The following CACNA2D1 variants were observed in gnomAD, a reference collection of about 807,000 sequenced individuals.
CACNA2D1 encodes calcium voltage-gated channel auxiliary subunit alpha2delta 1.
In CACNA2D1, 53 loss-of-function variants were observed where a neutral mutation model predicts 171.5. The observed-to-expected ratio is 0.31, with a 90% CI of 0.25 to 0.39. CACNA2D1 has a LOEUF of 0.39. Ranked by LOEUF, CACNA2D1 falls within the 10% of genes least tolerant of loss-of-function variation. CACNA2D1 has a pLI of 1.00. For missense variants in CACNA2D1, 903 were observed against 1,299.8 expected (o/e 0.69, Z 4.69); for synonymous variants, 442 against 443.1 (o/e 1.00, Z 0.03).
chr7:82,249,138 T>A lies in CACNA2D1; in HGVS notation c.295-78529A>T, dbSNP rs548608438. ...CTCAAAAAAAAAAAAAAATGCCCTC[T>A]TAAAATTCAACATAGATGTTTTCCC... On this transcript the variant is annotated intron_variant, in intron 3 of 38. Coordinates refer to ENST00000356860, the MANE Select transcript of CACNA2D1 (RefSeq NM_000722.4). Among the ~76,000 whole-genome samples the A allele has an allele frequency of 8.6e-5, 13 of 151,850 alleles. No individual in the cohort carries two copies. In the South Asian group the frequency reaches 2.7e-3, roughly 32 times the overall value.
intron 11 of CACNA2D1, among the ~76,000 whole-genome samples, chr7:82,035,429 A>G (rs932835212): frequency 6.6e-6 from 1 of 152,128 alleles, no homozygotes; most frequent in East Asian, 1.9e-4. Flanking sequence ...AATTATTTTA[A>G]CATAAAGAAT....
At chr7:82,349,670 T>C in intron 1 of CACNA2D1, 21 bp from the exon 2 acceptor site, 6 of 1,572,066 alleles carry the variant, frequency 3.8e-6, no homozygotes, top group Non-Finnish European at 5.3e-6. Flanking sequence ...CAGAAAAGAT[T>C]ATGTTCTATC....
chr7:81,951,974 T>TTTTTTG, intron 38 of CACNA2D1, among the ~76,000 whole-genome samples: 1 of 147,720 alleles, frequency 6.8e-6, no homozygotes, highest in South Asian at 2.1e-4. Flanking sequence ...AAAGTGTTTT[T>TTTTTTG]TTTTTTTTTT....
At chr7:82,431,700 A>G (rs1225232631) in intron 1 of CACNA2D1, among the ~76,000 whole-genome samples, 1 of 152,176 alleles carries the variant, frequency 6.6e-6, no homozygotes, top group African/African-American at 2.4e-5. Flanking sequence ...AAACAAAGAT[A>G]ATAATAATAC....
At position 82,442,451 on chromosome 7, in the gene CACNA2D1, G is replaced by A. The variant is rs73390086; in HGVS notation, c.95+914C>T. 8.8e-3 allele frequency among the ~76,000 whole-genome samples: 1,338 copies of A among 152,200 alleles called. 20 individuals carry two copies. Among genetic ancestry groups the A allele is most frequent in the Middle Eastern group, 0.031 (9 of 294 alleles). Reference sequence around the variant, plus strand: ...CCCAGAATGCCGGATAGGCTATTCGGTGCATTAAAAAATATGTATATATTT... The same window carrying A: ...CCCAGAATGCCGGATAGGCTATTCGATGCATTAAAAAATATGTATATATTT... On this transcript the variant is annotated intron_variant, in intron 1 of 38. Coordinates refer to ENST00000356860, the MANE Select transcript of CACNA2D1 (RefSeq NM_000722.4).
intron 12 of CACNA2D1, among the ~76,000 whole-genome samples, chr7:82,026,474 A>G (rs1801931332): frequency 6.6e-6 from 1 of 151,694 alleles, no homozygotes; most frequent in African/African-American, 2.4e-5. Context: ...GAGCATTTAT[A>G]TTTTACTAAA....
chr7:81,955,026 C>G (rs545625798), intron 38 of CACNA2D1, among the ~76,000 whole-genome samples: 47 of 152,188 alleles, frequency 3.1e-4, no homozygotes, highest in African/African-American at 1.1e-3. Flanking sequence ...ATTGGGTTTG[C>G]ATAAAATAAT....
At chr7:82,087,277 C>G (rs1414383526) in intron 6 of CACNA2D1, among the ~76,000 whole-genome samples, 10 of 152,036 alleles carry the variant, frequency 6.6e-5, no homozygotes, top group Admixed American at 6.5e-4. Flanking sequence ...TTATGGATGT[C>G]TAGAAATCAA....
At chr7:82,396,384 A>C (rs1402142204) in intron 1 of CACNA2D1, among the ~76,000 whole-genome samples, 1 of 152,188 alleles carries the variant, frequency 6.6e-6, no homozygotes, top group African/African-American at 2.4e-5. Context: ...GTTTTGTGTA[A>C]TTTCAAGCAA....
intron 2 of CACNA2D1, among the ~76,000 whole-genome samples, chr7:82,348,599 T>C (rs1819515315): frequency 6.6e-6 from 1 of 152,222 alleles, no homozygotes; most frequent in African/African-American, 2.4e-5. Flanking sequence ...ACAGTTGTTT[T>C]ATAAAGAGAT....
At chr7:82,171,636 A>G (rs182245604) in intron 3 of CACNA2D1, among the ~76,000 whole-genome samples, 1 of 152,276 alleles carries the variant, frequency 6.6e-6, no homozygotes. Context: ...ATATATGTCA[A>G]CTATCAACTT....
At chr7:82,287,524 T>C (rs551537041) in intron 3 of CACNA2D1, among the ~76,000 whole-genome samples, 1 of 152,186 alleles carries the variant, frequency 6.6e-6, no homozygotes, top group Admixed American at 6.5e-5. Context: ...TTCACTGCAC[T>C]GTTTTTTAGT....
chr7:82,168,376 T>C (rs565156787), intron 4 of CACNA2D1, among the ~76,000 whole-genome samples: 1 of 152,220 alleles, frequency 6.6e-6, no homozygotes, highest in South Asian at 2.1e-4. Context: ...ACTTCTGGCC[T>C]AAAGTAATCC....
intron 24 of CACNA2D1, among the ~76,000 whole-genome samples, chr7:81,974,864 G>C (rs144101315): frequency 0.012 from 1,821 of 151,890 alleles, 18 homozygotes; most frequent in Non-Finnish European, 0.021. Context: ...CAGAAATCTT[G>C]GGGCATCGGG....
At chr7:82,138,481 G>C (rs575160505) in intron 4 of CACNA2D1, among the ~76,000 whole-genome samples, 4,536 of 128,984 alleles carry the variant, frequency 0.035, 113 homozygotes, top group Middle Eastern at 0.12. Context: ...GAGTGTCGCT[G>C]TGTCGCCCAG....
chr7:82,157,236 C>T (rs1356724515), intron 4 of CACNA2D1, among the ~76,000 whole-genome samples: 1 of 152,022 alleles, frequency 6.6e-6, no homozygotes, highest in African/African-American at 2.4e-5. Flanking sequence ...TTTCAGAATA[C>T]TGTGAAAAGA....
intron 10 of CACNA2D1, among the ~76,000 whole-genome samples, chr7:82,057,239 G>A (rs931390853): frequency 1.3e-5 from 2 of 152,058 alleles, no homozygotes; most frequent in African/African-American, 4.8e-5. Context: ...ATGAAAATTG[G>A]CAAATGCTAC....
chr7:82,240,050 T>C (rs1163950722), intron 3 of CACNA2D1, among the ~76,000 whole-genome samples: 3 of 152,202 alleles, frequency 2.0e-5, no homozygotes, highest in African/African-American at 7.2e-5. Flanking sequence ...AATATAGCAC[T>C]AAGATTATTG....
At chr7:82,105,369 C>T (rs1174362828) in intron 6 of CACNA2D1, among the ~76,000 whole-genome samples, 1 of 146,198 alleles carries the variant, frequency 6.8e-6, no homozygotes, top group Non-Finnish European at 1.5e-5. Flanking sequence ...GGTTATATAT[C>T]CTAGAAAATT....
Sources: gnomAD v4.1 joint callset for allele counts (sites outside exome capture counted in the v4.1 genomes callset) on GRCh38, gnomAD v4.1.1 for gene constraint, MANE v1.5 for transcripts, NCBI Gene and HGNC (gene_info 2026-07-23, HGNC 2026-07-21) for gene names.